Variants in FSIP1 observed in about 807,000 individuals in gnomAD.
The protein encoded by FSIP1 is fibrous sheath-interacting protein 1.
In FSIP1, 65 loss-of-function variants were observed where a neutral mutation model predicts 60.9. The observed-to-expected ratio is 1.07, with a 90% CI of 0.87 to 1.31. FSIP1 has a LOEUF of 1.31. FSIP1 is among the 40% of genes most tolerant of loss of function. The pLI is 0.00. For synonymous variants in FSIP1, 209 were observed against 221.2 expected (o/e 0.94, Z 0.49); for missense variants, 675 against 665.5 (o/e 1.01, Z -0.16).
chr15:39,691,758 A>C (rs542678616), intron 10 of FSIP1, among the ~76,000 whole-genome samples: 75 of 152,310 alleles, frequency 4.9e-4, no homozygotes, highest in Non-Finnish European at 8.7e-4. Context: ...CCTAGCTCAG[A>C]AAAGAGAATT....
At chr15:39,660,860 C>T (rs8034885) in intron 10 of FSIP1, among the ~76,000 whole-genome samples, 116,772 of 152,054 alleles carry the variant, frequency 0.77, 45,904 homozygotes, top group Non-Finnish European at 0.87. Context: ...GTCAGGAGTT[C>T]GAGATCAGCC....
At chr15:39,727,603 G>A (rs1896247378) in intron 8 of FSIP1, among the ~76,000 whole-genome samples, 1 of 152,198 alleles carries the variant, frequency 6.6e-6, no homozygotes, top group African/African-American at 2.4e-5. Context: ...ACTAAGGAAT[G>A]TTTTCTGGGA....
chr15:39,625,410 GA>G (rs1891598664), intron 10 of FSIP1, among the ~76,000 whole-genome samples: 1 of 152,206 alleles, frequency 6.6e-6, no homozygotes, highest in Non-Finnish European at 1.5e-5. Context: ...GCTTGCCGGG[GA>G]CATAAGCAGA....
chr15:39,642,472 G>A (rs1057261047), intron 10 of FSIP1, among the ~76,000 whole-genome samples: 1 of 152,162 alleles, frequency 6.6e-6, no homozygotes, highest in African/African-American at 2.4e-5. Flanking sequence ...GTTTCTACCT[G>A]AGGGTCTTTG....
Position 39,739,711 on chromosome 15 carries a change from T to A in FSIP1, c.734A>T (p.Glu245Val). 1 of 1,602,054 alleles carries A rather than the reference T, an allele frequency of 6.2e-7. No individual in the cohort carries two copies. The highest frequency in any genetic ancestry group is 8.5e-7 in the Non-Finnish European group (1 of 1,176,744). Reference protein sequence around the residue: ...KKPFSNTEKIELRGKHNQDFI... With the variant: ...KKPFSNTEKIVLRGKHNQDFI... The stretch of plus-strand genomic sequence containing the variant: ...ATCCTGGTTGTGTTTACCCCTGAGC[T>A]CAATCTTTTCTGTATTCGAGAAAGG... Residue 245 changes from glutamate to valine, a missense_variant, in exon 7 of 12, where the codon GAG becomes GTG. Coordinates refer to ENST00000350221, the MANE Select transcript of FSIP1 (RefSeq NM_152597.5).
At chr15:39,725,445 A>G (rs527716460) in intron 9 of FSIP1, among the ~76,000 whole-genome samples, 9 of 152,188 alleles carry the variant, frequency 5.9e-5, no homozygotes, top group Non-Finnish European at 1.0e-4. Flanking sequence ...ACACCTTCAC[A>G]CTGCTCCTTT....
chr15:39,668,579 G>A (rs1334081914), intron 10 of FSIP1, among the ~76,000 whole-genome samples: 1 of 151,968 alleles, frequency 6.6e-6, no homozygotes, highest in Non-Finnish European at 1.5e-5. Context: ...GCCATACTAT[G>A]TTTCATCTAC....
At chr15:39,752,444 G>C (rs1566913807) in intron 5 of FSIP1, among the ~76,000 whole-genome samples, 1 of 151,952 alleles carries the variant, frequency 6.6e-6, no homozygotes, top group Non-Finnish European at 1.5e-5. Context: ...TATTTCCTCA[G>C]CCAGGTGAAC....
At chr15:39,740,636 G>C (rs1301962292) in intron 6 of FSIP1, among the ~76,000 whole-genome samples, 1 of 152,038 alleles carries the variant, frequency 6.6e-6, no homozygotes, top group Non-Finnish European at 1.5e-5. Context: ...GCTCAATCCA[G>C]ACAAAGTTTA....
chr15:39,773,011 A>G (rs566243661), intron 2 of FSIP1, among the ~76,000 whole-genome samples: 20 of 152,242 alleles, frequency 1.3e-4, no homozygotes, highest in African/African-American at 4.6e-4. Context: ...AACCCATGGG[A>G]TTTTTACACA....
rs1897755775 is a variant in FSIP1, at chr15:39,768,142, T to G, written c.310+2285A>C. Among the ~76,000 whole-genome samples, 3 of 152,036 alleles carry G rather than the reference T, an allele frequency of 2.0e-5. 1 individual carries two copies. In the South Asian group the frequency reaches 6.2e-4, roughly 32 times the overall value. ...CTCATCTGCCTGCCCCCTCTAGGGG[T>G]TTGAGCAGGGAAGCACTGAAGAAGT... On this transcript the variant is annotated intron_variant, in intron 3 of 11. Coordinates refer to ENST00000350221, the MANE Select transcript of FSIP1 (RefSeq NM_152597.5).
At chr15:39,631,068 G>A (rs1891864384) in intron 10 of FSIP1, among the ~76,000 whole-genome samples, 2 of 152,192 alleles carry the variant, frequency 1.3e-5, no homozygotes, top group Admixed American at 1.3e-4. Flanking sequence ...GCTGGCACCA[G>A]GTCCTCCTCA....
intron 8 of FSIP1, among the ~76,000 whole-genome samples, chr15:39,731,674 G>A (rs930574151): frequency 6.6e-6 from 1 of 152,120 alleles, no homozygotes; most frequent in Non-Finnish European, 1.5e-5. Flanking sequence ...CTATGTGTGG[G>A]GAACTTCTAG....
chr15:39,689,005 T>C (rs1894492813), intron 10 of FSIP1, among the ~76,000 whole-genome samples: 1 of 152,204 alleles, frequency 6.6e-6, no homozygotes, highest in South Asian at 2.1e-4. Flanking sequence ...AGATGTCAGG[T>C]AGATACATCC....
chr15:39,739,630 C>T, intron 7 of FSIP1, 35 bp downstream of exon 7: 2 of 1,569,108 alleles, frequency 1.3e-6, no homozygotes, highest in Non-Finnish European at 1.7e-6. Flanking sequence ...CTCATTTAGC[C>T]CCAAATTCTG....
chr15:39,767,280 C>A (rs1897723897), intron 3 of FSIP1, among the ~76,000 whole-genome samples: 1 of 152,180 alleles, frequency 6.6e-6, no homozygotes. Context: ...TTCTCATTCC[C>A]AACTGCCAAT....
intron 9 of FSIP1, among the ~76,000 whole-genome samples, chr15:39,723,351 C>T (rs886273491): frequency 6.6e-5 from 10 of 152,146 alleles, no homozygotes; most frequent in African/African-American, 2.4e-4. Flanking sequence ...GCCTCAGCCT[C>T]CCGAGTAGCT....
At chr15:39,646,520 C>CAAAAAAAAAA (rs71132108) in intron 10 of FSIP1, among the ~76,000 whole-genome samples, 286 of 27,110 alleles carry the variant, frequency 0.011, 60 homozygotes, top group East Asian at 0.11. Flanking sequence ...CTCATCTCTA[C>CAAAAAAAAAA]AAAAAAAAAA....
chr15:39,776,568 T>A (rs1399620265), intron 1 of FSIP1, 37 bp from the exon 2 acceptor site: 12 of 1,515,628 alleles, frequency 7.9e-6, no homozygotes, highest in Non-Finnish European at 9.9e-6. Flanking sequence ...ACCAAGCGAC[T>A]CGGATATTTA....
Sources: allele counts gnomAD v4.1 joint callset (sites outside exome capture counted in the v4.1 genomes callset), GRCh38; gene constraint gnomAD v4.1.1; transcripts MANE v1.5; gene names NCBI Gene and HGNC (gene_info 2026-07-23, HGNC 2026-07-21).